Variants in RIPOR2 observed in about 807,000 individuals in gnomAD.
RIPOR2 encodes rho family-interacting cell polarization regulator 2.
In RIPOR2, 39 loss-of-function variants were observed where a neutral mutation model predicts 114.5. The ratio of observed to expected loss-of-function variants is 0.34; its 90% confidence interval spans 0.26 to 0.44. The LOEUF (loss-of-function observed/expected upper bound fraction) is 0.44. Among genes scored for constraint, RIPOR2 ranks in the 20% least tolerant of loss-of-function variants. The probability of loss-of-function intolerance (pLI) is 1.00; values close to 1 mark genes in which losing one functional copy is unlikely to be tolerated. For synonymous variants in RIPOR2, 445 were observed against 484.4 expected, an observed-to-expected ratio of 0.92 and a Z score of 1.07; for missense variants, 1,007 against 1,255.1, an observed-to-expected ratio of 0.80 and a Z score of 2.99.
intron 1 of RIPOR2, among the ~76,000 whole-genome samples, chr6:24,952,920 AG>A (rs1772848230): frequency 6.6e-6 from 1 of 152,270 alleles, no homozygotes; most frequent in African/African-American, 2.4e-5. Context: ...TGCTGGGCAT[AG>A]AATTAGTGGG....
Position 24,845,118 on chromosome 6 carries a change from G to T in RIPOR2, c.1165-1564C>A, listed in dbSNP as rs1051126212. 2.6e-5 allele frequency among the ~76,000 whole-genome samples: 4 copies of T among 151,834 alleles called. No individual in the cohort carries two copies. In the East Asian group the frequency reaches 7.7e-4, roughly 29 times the overall value. On this transcript the variant is annotated intron_variant, in intron 12 of 21. Coordinates refer to ENST00000643898, the MANE Select transcript of RIPOR2 (RefSeq NM_001286445.3). ...AGGACGAGTGAAATGATGTGTCACT[G>T]GACACTTGAGTAACCTCTACAAGCT... is the stretch of plus-strand genomic sequence containing the variant.
chr6:24,907,194 A>G (rs987940228), intron 1 of RIPOR2, among the ~76,000 whole-genome samples: 3 of 152,212 alleles, frequency 2.0e-5, no homozygotes, highest in African/African-American at 7.2e-5. Context: ...TTTTGATCTA[A>G]TGGAACACAA....
intron 1 of RIPOR2, among the ~76,000 whole-genome samples, chr6:25,025,319 G>A (rs900311415): frequency 2.6e-5 from 4 of 152,298 alleles, no homozygotes; most frequent in African/African-American, 9.6e-5. Flanking sequence ...TCTAATAAGT[G>A]TCTGTGGTGT....
rs1164507934 is a variant in RIPOR2, at chr6:24,994,777, A to G, written c.76+47074T>C. Among the ~76,000 whole-genome samples the G allele has an allele frequency of 2.0e-5, 3 of 152,084 alleles. No individual in the cohort carries two copies. In the East Asian group the frequency reaches 5.8e-4, roughly 29 times the overall value. On this transcript the variant is annotated intron_variant, in intron 1 of 13. Coordinates refer to the RIPOR2 transcript ENST00000510784. ...ACCATGAAACTTGCATACCAGAATCATACTCCAAGCATCCTAATTTGGTCT... is the reference window on the plus strand; with the variant it reads ...ACCATGAAACTTGCATACCAGAATCGTACTCCAAGCATCCTAATTTGGTCT...
intron 21 of RIPOR2, among the ~76,000 whole-genome samples, chr6:24,808,220 T>C (rs1216380032): frequency 6.6e-6 from 1 of 152,204 alleles, no homozygotes; most frequent in Non-Finnish European, 1.5e-5. Context: ...CTGGAGATGC[T>C]GCTGTTTGCA....
At chr6:24,819,519 CT>C (rs142511353) in intron 19 of RIPOR2, among the ~76,000 whole-genome samples, 108 of 145,362 alleles carry the variant, frequency 7.4e-4, no homozygotes, top group Admixed American at 9.0e-4. Context: ...AGTACATTAT[CT>C]TTTTTTTTTT....
In RIPOR2 at chr6:24,804,764, C is replaced by T. The variant is rs1469164414; in HGVS notation, c.*1609G>A. On this transcript the variant is annotated 3_prime_UTR_variant, in exon 22 of 22. Coordinates refer to ENST00000643898, the MANE Select transcript of RIPOR2 (RefSeq NM_001286445.3). ...AAATGACATCTAAATGATACAAACA[C>T]GTCCATAGTACAGTTGATATTCCAC... The T allele has an allele frequency of 1.3e-5, 2 of 152,174 alleles. No individual in the cohort carries two copies. The highest frequency in any genetic ancestry group is 2.4e-5 in the African/African-American group (1 of 41,446). 9.4% of individuals were successfully genotyped at this position (152,174 alleles called of 1,614,324 possible). A position where few individuals can be genotyped will look rare whatever the true frequency, so the allele number is the denominator to read the frequency against.
At chr6:25,002,916 C>G (rs1415785908) in intron 1 of RIPOR2, among the ~76,000 whole-genome samples, 2 of 152,216 alleles carry the variant, frequency 1.3e-5, no homozygotes, top group East Asian at 3.8e-4. Flanking sequence ...GGCAATGTGC[C>G]TTTTGCAATT....
At chr6:24,929,565 C>G (rs1482905394) in intron 1 of RIPOR2, 1 of 152,186 alleles carries the variant, frequency 6.6e-6, no homozygotes, top group African/African-American at 2.4e-5. Flanking sequence ...TTTTCTTGCT[C>G]TCCAACTTTT....
At chr6:25,009,935 G>A (rs1775710942) in intron 1 of RIPOR2, among the ~76,000 whole-genome samples, 1 of 152,148 alleles carries the variant, frequency 6.6e-6, no homozygotes, top group Non-Finnish European at 1.5e-5. Context: ...GCATGAGGCA[G>A]GAGAGCATGG....
intron 1 of RIPOR2, among the ~76,000 whole-genome samples, chr6:25,038,017 T>G (rs1444431771): frequency 6.6e-6 from 1 of 152,246 alleles, no homozygotes; most frequent in East Asian, 1.9e-4. Flanking sequence ...TGATTTATTT[T>G]TAAATGTTTC....
intron 19 of RIPOR2, among the ~76,000 whole-genome samples, chr6:24,821,585 CT>C (rs765378026): frequency 5.9e-5 from 9 of 152,224 alleles, no homozygotes; most frequent in Non-Finnish European, 1.0e-4. Context: ...GTAACTAGCT[CT>C]TTACTAGACC....
chr6:25,000,193 C>A (rs1486342465), intron 1 of RIPOR2, among the ~76,000 whole-genome samples: 1 of 152,206 alleles, frequency 6.6e-6, no homozygotes, highest in East Asian at 1.9e-4. Flanking sequence ...CTTACTTTCA[C>A]TTCACTCTCC....
chr6:24,907,391 A>C (rs920634868), intron 1 of RIPOR2, among the ~76,000 whole-genome samples: 1 of 152,230 alleles, frequency 6.6e-6, no homozygotes, highest in South Asian at 2.1e-4. Flanking sequence ...GTTTCCTTAG[A>C]GGGAATTAAA....
chr6:24,927,195 A>C (rs1185040574), intron 1 of RIPOR2, among the ~76,000 whole-genome samples: 7 of 96,484 alleles, frequency 7.3e-5, no homozygotes, highest in East Asian at 3.4e-4. Flanking sequence ...CCACCACCAC[A>C]ACTACAAGCA....
At position 24,850,715 on chromosome 6, in the gene RIPOR2, A is replaced by G. The variant is rs1233164249; in HGVS notation, c.767T>C (p.Met256Thr). 2 of 1,613,554 alleles carry G rather than the reference A, an allele frequency of 1.2e-6. No homozygotes were observed. The highest frequency in any genetic ancestry group is 2.7e-5 in the African/African-American group (2 of 74,854). ...LCPGDQYEIFMKYGRQRWKLK... is the reference protein window; with the variant it reads ...LCPGDQYEIFTKYGRQRWKLK... The stretch of plus-strand genomic sequence containing the variant: ...TTTCCACCGCTGCCGGCCATACTTC[A>G]TGAAAATCTGGAGAGGAGACATCCA... The change falls in exon 10 of 22, where the codon ATG (methionine) becomes ACG (threonine). Residue 256 changes from methionine to threonine, a missense_variant. Met to Thr is a moderately conservative substitution (Grantham distance 81, BLOSUM62 -1). Transcript: ENST00000643898.
chr6:25,027,448 T>A (rs1776684689), intron 1 of RIPOR2, among the ~76,000 whole-genome samples: 1 of 152,096 alleles, frequency 6.6e-6, no homozygotes, highest in Non-Finnish European at 1.5e-5. Context: ...GGTATAAACA[T>A]AGACATGCTG....
chr6:24,997,487 T>C (rs1206104433), intron 1 of RIPOR2, among the ~76,000 whole-genome samples: 1 of 152,166 alleles, frequency 6.6e-6, no homozygotes, highest in Non-Finnish European at 1.5e-5. Context: ...AATTGTATGG[T>C]TTAAATCAAG....
chr6:24,820,780 G>T (rs1759614471), intron 19 of RIPOR2, among the ~76,000 whole-genome samples: 1 of 150,780 alleles, frequency 6.6e-6, no homozygotes, highest in Non-Finnish European at 1.5e-5. Context: ...TGAACCTTCA[G>T]ATTGTTTCTA....
Sources: allele counts gnomAD v4.1 joint callset (sites outside exome capture counted in the v4.1 genomes callset), GRCh38; gene constraint gnomAD v4.1.1; transcripts MANE v1.5; gene names NCBI Gene and HGNC (gene_info 2026-07-23, HGNC 2026-07-21).